The following WDR37 variants were observed in gnomAD, a reference collection of about 807,000 sequenced individuals.
WDR37 encodes WD repeat domain 37.
Under a neutral mutation model 62.9 loss-of-function variants are expected in WDR37, and 19 were observed. That is an observed-to-expected ratio of 0.30 (90% CI 0.21 to 0.44). WDR37 has a LOEUF of 0.44. Ranked by LOEUF, WDR37 falls within the 20% of genes least tolerant of loss-of-function variation. WDR37 has a pLI of 1.00. For synonymous variants in WDR37, 250 were observed against 260.9 expected (o/e 0.96, Z 0.40); for missense variants, 474 against 657.6 (o/e 0.72, Z 3.05).
intron 9 of WDR37, chr10:1,096,656 C>T (rs144222197): frequency 8.0e-4 from 150 of 186,958 alleles, no homozygotes; most frequent in African/African-American, 3.4e-3. Context: ...CCTTTTGTTG[C>T]GGCAGCCAGA....
intron 7 of WDR37, among the ~76,000 whole-genome samples, chr10:1,092,801 T>C (rs1834439441): frequency 7.3e-6 from 1 of 136,496 alleles, no homozygotes; most frequent in African/African-American, 2.9e-5. Context: ...GCCTTGAAGG[T>C]CAAAGCTGTA....
chr10:1,090,241 T>G (rs1834342010), intron 7 of WDR37, among the ~76,000 whole-genome samples: 1 of 150,938 alleles, frequency 6.6e-6, no homozygotes, highest in East Asian at 1.9e-4. Context: ...TCACTGCAAC[T>G]TCCGCATCCC....
At chr10:1,099,078 A>G (rs1834700911) in intron 9 of WDR37, among the ~76,000 whole-genome samples, 2 of 152,246 alleles carry the variant, frequency 1.3e-5, no homozygotes, top group South Asian at 2.1e-4. Context: ...GTAACAAAAG[A>G]TGTGTATTGA....
At chr10:1,085,164 G>A (rs1301852188) in intron 6 of WDR37, among the ~76,000 whole-genome samples, 2 of 151,446 alleles carry the variant, frequency 1.3e-5, no homozygotes, top group Admixed American at 6.6e-5. Context: ...TAGTAGAGGC[G>A]GGGTTTCACC....
In WDR37 at chr10:1,121,530, A is replaced by G. The variant is rs941122538; in HGVS notation, c.1104-2688A>G. Among the ~76,000 whole-genome samples the G allele has an allele frequency of 6.6e-6, 1 of 152,118 alleles. No homozygotes were observed. Among genetic ancestry groups the G allele is most frequent in the Non-Finnish European group, 1.5e-5 (1 of 68,038 alleles). The stretch of plus-strand genomic sequence containing the variant: ...ATTTTGCAGTCTCTCTCCTCTGCCC[A>G]TGCTGCTCTCGTAACCCGTGCTGCT... On this transcript the variant is annotated intron_variant, in intron 11 of 13. Transcript: ENST00000263150. The surrounding 1 kb of genome is among the most constrained non-coding windows in gnomAD (Gnocchi z 4.5).
chr10:1,127,414 GATAA>G (rs1157981424), intron 13 of WDR37, among the ~76,000 whole-genome samples: 1 of 152,204 alleles, frequency 6.6e-6, no homozygotes, highest in Non-Finnish European at 1.5e-5. Flanking sequence ...CACCTCTTCA[GATAA>G]ATAAATGTGG....
chr10:1,068,750 T>C (rs1833632638), intron 1 of WDR37, among the ~76,000 whole-genome samples: 1 of 152,196 alleles, frequency 6.6e-6, no homozygotes, highest in South Asian at 2.1e-4. Flanking sequence ...TTTCCAGGTA[T>C]ACCCAAGAGA....
At chr10:1,068,595 G>A (rs1833627739) in intron 1 of WDR37, among the ~76,000 whole-genome samples, 1 of 152,100 alleles carries the variant, frequency 6.6e-6, no homozygotes, top group Non-Finnish European at 1.5e-5. Flanking sequence ...AATACCAAAT[G>A]CTGGTGAGGA....
At chr10:1,099,695 G>A (rs11250261) in intron 9 of WDR37, among the ~76,000 whole-genome samples, 14,838 of 152,156 alleles carry the variant, frequency 0.098, 870 homozygotes, top group East Asian at 0.2. Flanking sequence ...GATGGTGGGC[G>A]TGGTGGAGAG....
chr10:1,105,887 G>A lies in WDR37; in HGVS notation c.1103+620G>A, dbSNP rs1410882723. 6.6e-6 allele frequency among the ~76,000 whole-genome samples: 1 copy of A among 152,008 alleles called. No individual in the cohort carries two copies. Among genetic ancestry groups the A allele is most frequent in the African/African-American group, 2.4e-5 (1 of 41,370 alleles). On this transcript the variant is annotated intron_variant, in intron 11 of 13. Coordinates refer to ENST00000263150, the MANE Select transcript of WDR37 (RefSeq NM_014023.4). This position sits in a 1 kb window ranked among gnomAD's most constrained non-coding sequence, Gnocchi z 5.3. Reference sequence around the variant, plus strand: ...TGCAAGCTCCGCCTCCCGGGTTCACGCCATTCTCCTGCCTCAGCCTCCCGA... The same window carrying A: ...TGCAAGCTCCGCCTCCCGGGTTCACACCATTCTCCTGCCTCAGCCTCCCGA...
At chr10:1,066,261 G>T (rs989434328) in intron 1 of WDR37, among the ~76,000 whole-genome samples, 5 of 152,104 alleles carry the variant, frequency 3.3e-5, no homozygotes, top group Non-Finnish European at 5.9e-5. Context: ...GACTACAGGT[G>T]CCTGCCACCA....
rs1835951660 is a variant in WDR37 at position 1,131,708 on chromosome 10, G to T, written c.*2364G>T. ...GGTGTGTGTGTGTGTGTGTGTGTGTGTGTGCACGTGTGTGTGGCTAAATTA... is the reference window on the plus strand; with the variant it reads ...GGTGTGTGTGTGTGTGTGTGTGTGTTTGTGCACGTGTGTGTGGCTAAATTA... On this transcript the variant is annotated 3_prime_UTR_variant, in exon 14 of 14. Transcript: ENST00000263150. 1 of 152,142 alleles carries T rather than the reference G, an allele frequency of 6.6e-6. No homozygotes were observed. The highest frequency in any genetic ancestry group is 2.4e-5 in the African/African-American group (1 of 41,366). 9.4% of individuals were successfully genotyped at this position (152,142 alleles called of 1,614,324 possible). A position where few individuals can be genotyped will look rare whatever the true frequency, so the allele number is the denominator to read the frequency against.
chr10:1,056,693 G>C lies in WDR37; in HGVS notation c.-316G>C, dbSNP rs192951174. On this transcript the variant is annotated 5_prime_UTR_variant, in exon 1 of 14. Coordinates refer to ENST00000263150, the MANE Select transcript of WDR37 (RefSeq NM_014023.4). ...GCGCGCCCAGACCCCTCGGGGCTGC[G>C]GGGCGGAAGCCGGGGCGTGACTTCC... 3 of 152,334 alleles carry C rather than the reference G, an allele frequency of 2.0e-5. No homozygotes were observed. The highest frequency in any genetic ancestry group is 7.2e-5 in the African/African-American group (3 of 41,464). The allele number at this position is 152,334 out of a possible 1,614,324, so 9.4% of individuals were successfully genotyped here.
intron 9 of WDR37, among the ~76,000 whole-genome samples, chr10:1,098,104 G>A (rs1834654697): frequency 6.6e-6 from 1 of 152,182 alleles, no homozygotes; most frequent in South Asian, 2.1e-4. Flanking sequence ...TCAACTGAAT[G>A]TCTCCGTCCC....
chr10:1,095,685 A>T (rs1834552600), intron 8 of WDR37, among the ~76,000 whole-genome samples: 1 of 152,178 alleles, frequency 6.6e-6, no homozygotes, highest in Non-Finnish European at 1.5e-5. Context: ...GTTTCCTCGC[A>T]AACTGGCTGC....
At chr10:1,126,344 TG>T (rs1835765503) in intron 13 of WDR37, among the ~76,000 whole-genome samples, 1 of 149,440 alleles carries the variant, frequency 6.7e-6, no homozygotes, top group Non-Finnish European at 1.5e-5. Context: ...AGGCGGAGCT[TG>T]CAGTGAGCTG....
intron 11 of WDR37, among the ~76,000 whole-genome samples, chr10:1,106,368 C>A (rs1451565002): frequency 6.6e-6 from 1 of 152,130 alleles, no homozygotes; most frequent in African/African-American, 2.4e-5. Context: ...TCCACCCCGA[C>A]GTCTGGATAA....
chr10:1,073,199 AAT>A (rs1368893664), intron 2 of WDR37, among the ~76,000 whole-genome samples: 5 of 152,218 alleles, frequency 3.3e-5, no homozygotes, highest in African/African-American at 1.2e-4. Context: ...AGATATATCT[AAT>A]ATATGGTTAT....
intron 7 of WDR37, among the ~76,000 whole-genome samples, chr10:1,087,259 T>C (rs1834235096): frequency 6.6e-6 from 1 of 152,240 alleles, no homozygotes; most frequent in African/African-American, 2.4e-5. Context: ...CTTCCTCCCC[T>C]GGCATCCCAC....
Sources: allele counts gnomAD v4.1 joint callset (sites outside exome capture counted in the v4.1 genomes callset), GRCh38; gene constraint gnomAD v4.1.1; non-coding constraint Gnocchi (gnomAD v3.1); transcripts MANE v1.5; gene names NCBI Gene and HGNC (gene_info 2026-07-23, HGNC 2026-07-21).